RS1: variants seen among roughly 807,000 people sequenced by gnomAD.
RS1 encodes retinoschisin.
A neutral mutation model predicts 20.8 loss-of-function variants in RS1; 2 were observed. The observed-to-expected ratio is 0.10, with a 90% CI of 0.04 to 0.30. The LOEUF is 0.30. Ranked by LOEUF, RS1 falls within the 10% of genes least tolerant of loss-of-function variation. The pLI, the probability that RS1 is intolerant of heterozygous loss-of-function variation, is 1.00. For missense variants in RS1, 151 were observed against 189.8 expected (o/e 0.80, Z 1.20); for synonymous variants, 70 against 75.8 (o/e 0.92, Z 0.40).
rs951430019 is a variant in RS1 at position 18,646,076 on chromosome X, C to T, written c.326+1115G>A. On this transcript the variant is annotated intron_variant, in intron 4 of 5. Transcript: ENST00000379984. ...CAAGATAGACGCTTCATGTTAAGGACGACAGAACAACAAGGTAGAGTCTGG... is the reference window on the plus strand; with the variant it reads ...CAAGATAGACGCTTCATGTTAAGGATGACAGAACAACAAGGTAGAGTCTGG... The T allele has an allele frequency of 4.5e-5, 55 of 1,210,029 alleles. No individual in the cohort carries two copies. Among genetic ancestry groups the T allele is most frequent in the African/African-American group, 1.1e-4 (6 of 57,127 alleles).
rs947942943 is a variant in RS1, at chrX:18,652,560, T to C, written c.184+4093A>G. ...GGTTGGCACCTGTAATCCCAGCTAC[T>C]TGGGAGGCTGAAACAGGAGAATCGC... is the stretch of plus-strand genomic sequence containing the variant. On this transcript the variant is annotated intron_variant, in intron 3 of 5. Transcript: ENST00000379984. 5.6e-4 allele frequency among the ~76,000 whole-genome samples: 62 copies of C among 111,495 alleles called. 1 individual carries two copies. The highest frequency in any genetic ancestry group is 6.6e-4 in the Non-Finnish European group (35 of 53,072).
intron 1 of RS1, among the ~76,000 whole-genome samples, chrX:18,671,084 G>A (rs1352678317): frequency 8.9e-6 from 1 of 112,115 alleles, no homozygotes; most frequent in Non-Finnish European, 1.9e-5. Context: ...GCTTGAGCCT[G>A]GGAGGTTGAG....
intron 3 of RS1, chrX:18,650,353 C>T (rs777709363): frequency 1.1e-5 from 12 of 1,130,115 alleles, no homozygotes; most frequent in African/African-American, 8.9e-5. Flanking sequence ...GTCTGGGAGC[C>T]GATGCCTGCC....
intron 1 of RS1, among the ~76,000 whole-genome samples, chrX:18,664,809 G>A (rs775008806): frequency 1.8e-5 from 2 of 111,020 alleles, no homozygotes; most frequent in Admixed American, 9.6e-5. Flanking sequence ...CGACCTCCTG[G>A]GCTCAAGCAG....
chrX:18,651,220 AGT>A (rs3838188), intron 3 of RS1, among the ~76,000 whole-genome samples: 28,333 of 64,406 alleles, frequency 0.44, 5,811 homozygotes, highest in South Asian at 0.57. Context: ...GGCAGGAGCA[AGT>A]GTGTGTGTGT....
intron 3 of RS1, among the ~76,000 whole-genome samples, chrX:18,655,986 C>CTTTTTTTTTTTTT (rs56213978): frequency 2.0e-5 from 1 of 50,826 alleles, no homozygotes; most frequent in African/African-American, 8.1e-5. Flanking sequence ...TTTTCTTTTC[C>CTTTTTTTTTTTTT]TTTTTTTTTT....
At chrX:18,653,358 G>T in intron 3 of RS1, 1 of 1,182,024 alleles carries the variant, frequency 8.5e-7, no homozygotes. Flanking sequence ...GGGGGGCCCG[G>T]GCATTAGCCA....
chrX:18,661,748 G>C (rs1419880593), intron 1 of RS1, among the ~76,000 whole-genome samples: 1 of 111,904 alleles, frequency 8.9e-6, no homozygotes, highest in Non-Finnish European at 1.9e-5. Flanking sequence ...GCCTGGGGCT[G>C]CCGGCGTCTA....
At chrX:18,650,688 C>T in intron 3 of RS1, 1 of 989,960 alleles carries the variant, frequency 1.0e-6, no homozygotes, top group Non-Finnish European at 1.4e-6. Flanking sequence ...GCCACACCCC[C>T]AGGGATTCTG....
intron 3 of RS1, among the ~76,000 whole-genome samples, chrX:18,653,994 G>T (rs977341592): frequency 1.8e-5 from 2 of 110,253 alleles, no homozygotes; most frequent in Admixed American, 9.7e-5. Context: ...AATAAAAAAA[G>T]AACAAAACCC....
chrX:18,644,740 G>A (rs1927713642), intron 4 of RS1, 115 bp from the exon 5 acceptor site: 5 of 690,736 alleles, frequency 7.2e-6, no homozygotes, highest in East Asian at 6.7e-5. Flanking sequence ...TGCCAAGCTC[G>A]GGCAGTCTGG....
At chrX:18,649,161 G>A (rs1040736630) in intron 3 of RS1, among the ~76,000 whole-genome samples, 1 of 110,914 alleles carries the variant, frequency 9.0e-6, no homozygotes, top group African/African-American at 3.3e-5. Context: ...CAATAAGCCA[G>A]TATTTAGGGG....
intron 1 of RS1, among the ~76,000 whole-genome samples, chrX:18,662,093 C>T (rs920706826): frequency 8.9e-5 from 10 of 112,211 alleles, no homozygotes; most frequent in Non-Finnish European, 1.9e-5. Context: ...AAGAAGGTGC[C>T]AGGGATGAAG....
chrX:18,647,627 C>G lies in RS1; in HGVS notation c.185-295G>C. On this transcript the variant is annotated intron_variant, in intron 3 of 5. Coordinates refer to ENST00000379984, the MANE Select transcript of RS1 (RefSeq NM_000330.4). Reference sequence around the variant, plus strand: ...GGGGTGTGTGGAATTTTGAGAAATACTTCACCTCCTCCACCAACTTAGAGA... The same window carrying G: ...GGGGTGTGTGGAATTTTGAGAAATAGTTCACCTCCTCCACCAACTTAGAGA... The G allele has an allele frequency of 2.1e-5, 7 of 329,414 alleles. No homozygotes were observed. In the South Asian group the frequency reaches 3.2e-4, roughly 15 times the overall value. The allele number at this position is 329,414 out of a possible 1,213,427, so 27.1% of individuals were successfully genotyped here. A position where few individuals can be genotyped will look rare whatever the true frequency, so the allele number is the denominator to read the frequency against.
intron 4 of RS1, among the ~76,000 whole-genome samples, chrX:18,644,902 A>G (rs1414575835): frequency 1.8e-5 from 2 of 112,741 alleles, no homozygotes; most frequent in Non-Finnish European, 3.7e-5. Flanking sequence ...TGTGGCTGAA[A>G]TTGCCTTTGG....
At chrX:18,666,524 G>A (rs1044344539) in intron 1 of RS1, among the ~76,000 whole-genome samples, 2 of 111,572 alleles carry the variant, frequency 1.8e-5, no homozygotes, top group South Asian at 3.8e-4. Context: ...GCAGGGCCTC[G>A]TGGGCCATGT....
Position 18,657,677 on chromosome X carries a change from G to A in RS1, c.53-12C>T. ...TAATCCCAATGTGGCTAAAGCAAAA[G>A]GATGAGACAGAAAAAATCTAATTAA... is the stretch of plus-strand genomic sequence containing the variant. On this transcript the variant is annotated splice_polypyrimidine_tract_variant and intron_variant, in intron 1 of 5. Transcript: ENST00000379984. 8.5e-7 allele frequency: 1 copy of A among 1,178,436 alleles called. No homozygotes were observed. Among genetic ancestry groups the A allele is most frequent in the Non-Finnish European group, 1.2e-6 (1 of 865,529 alleles).
intron 1 of RS1, among the ~76,000 whole-genome samples, chrX:18,668,604 A>G (rs1344814328): frequency 2.6e-5 from 3 of 113,415 alleles, no homozygotes; most frequent in Admixed American, 1.9e-4. Flanking sequence ...AAAGAGAAAG[A>G]AGGAAATTGC....
chrX:18,652,466 C>G (rs764738253), intron 3 of RS1, among the ~76,000 whole-genome samples: 19 of 111,726 alleles, frequency 1.7e-4, no homozygotes, highest in East Asian at 5.6e-4. Context: ...GTCAGGAGTT[C>G]GAGACCAGCC....
Sources: gnomAD v4.1 joint callset for allele counts (sites outside exome capture counted in the v4.1 genomes callset) on GRCh38, gnomAD v4.1.1 for gene constraint, MANE v1.5 for transcripts, NCBI Gene and HGNC (gene_info 2026-07-23, HGNC 2026-07-21) for gene names.